ZNF496: variants seen among roughly 807,000 people sequenced by gnomAD.
ZNF496 encodes the protein zinc finger protein 496, also known as NSD1 (nuclear receptor binding SET-domain containing 1)-interacting zinc finger protein 1.
Under a neutral mutation model 58.9 loss-of-function variants are expected in ZNF496, and 11 were observed. The ratio of observed to expected loss-of-function variants is 0.19; its 90% CI spans 0.12 to 0.31. The LOEUF is 0.31. Ranked by LOEUF, ZNF496 falls within the 10% of genes least tolerant of loss-of-function variation. The pLI, the probability that ZNF496 is intolerant of heterozygous loss-of-function variation, is 1.00. For synonymous variants in ZNF496, 338 were observed against 318.2 expected, an observed-to-expected ratio of 1.06 and a Z score of -0.66; for missense variants, 660 against 783.0, an observed-to-expected ratio of 0.84 and a Z score of 1.88.
chr1:247,325,514 G>A (rs1297380012), intron 5 of ZNF496, among the ~76,000 whole-genome samples: 1 of 152,116 alleles, frequency 6.6e-6, no homozygotes, highest in Non-Finnish European at 1.5e-5. Context: ...TTTGTGACGA[G>A]AACATTTCTT....
chr1:247,301,160 G>C lies in ZNF496; in HGVS notation c.1123C>G (p.Leu375Val). The part of the protein sequence containing the change: ...SQHGPYCTEE[L>V]GSPTEKQRSL... ...CGCTGCTTCTCTGTGGGGCTCCCCA[G>C]CTCTTCTGTGCAGTACGGGCCATGC... Residue 375 changes from leucine (L) to valine (V), a missense_variant, in exon 10 of 10, where the codon CTG becomes GTG. Leu to Val is a conservative substitution (Grantham distance 32). Coordinates refer to ENST00000682384, the MANE Select transcript of ZNF496 (RefSeq NM_032752.3). The C allele has an allele frequency of 6.2e-7, 1 of 1,612,806 alleles. No individual in the cohort carries two copies.
chr1:247,309,997 G>A lies in ZNF496; in HGVS notation c.785-191C>T. The stretch of plus-strand genomic sequence containing the variant: ...CACACGCAGGGAGAGCTATGGGCTT[G>A]GGGGTCTCTCTGAGGCTTTCGGGTG... On this transcript the variant is annotated intron_variant, in intron 7 of 9. Coordinates refer to ENST00000682384, the MANE Select transcript of ZNF496 (RefSeq NM_032752.3). The surrounding 1 kb of genome is among the most constrained non-coding windows in gnomAD (Gnocchi z 4.3). 2 of 1,380,948 alleles carry A rather than the reference G, an allele frequency of 1.4e-6. No individual in the cohort carries two copies. Among genetic ancestry groups the A allele is most frequent in the Non-Finnish European group, 1.9e-6 (2 of 1,050,498 alleles). 85.5% of individuals were successfully genotyped at this position (1,380,948 alleles called of 1,614,324 possible).
rs1467852502 is a variant in ZNF496 at position 247,308,820 on chromosome 1, TC to T, written c.893-233del. ...TGACGCTAGACAGAATCGACGTAGA[TC>T]CGGGTTCTACTCCACCCACTCTATG... On this transcript the variant is annotated intron_variant, in intron 8 of 9. Transcript: ENST00000682384. This position sits in a 1 kb window ranked among gnomAD's most constrained non-coding sequence, Gnocchi z 4.5. 2 of 480,808 alleles carry T rather than the reference TC, an allele frequency of 4.2e-6. No homozygotes were observed. Among genetic ancestry groups the T allele is most frequent in the Admixed American group, 6.8e-5 (2 of 29,494 alleles). 29.8% of individuals were successfully genotyped at this position (480,808 alleles called of 1,614,324 possible).
chr1:247,315,224 C>A (rs762724518), intron 6 of ZNF496, among the ~76,000 whole-genome samples: 3 of 152,058 alleles, frequency 2.0e-5, no homozygotes, highest in African/African-American at 7.2e-5. Context: ...TCACAGCTGA[C>A]GTGACCCATG....
chr1:247,301,333 AT>A, intron 9 of ZNF496, 57 bp from the exon 10 acceptor site: 1 of 1,473,626 alleles, frequency 6.8e-7, no homozygotes, highest in Non-Finnish European at 9.0e-7. Flanking sequence ...CCCAGCCCCT[AT>A]GACCGCGGCG....
rs573900971 is a variant in ZNF496 at position 247,316,540 on chromosome 1, C to T, written c.652-6084G>A. Among the ~76,000 whole-genome samples, 9 of 152,254 alleles carry T rather than the reference C, an allele frequency of 5.9e-5. No individual in the cohort carries two copies. The East Asian group carries it at 1.7e-3, about 29-fold the overall frequency. On this transcript the variant is annotated intron_variant, in intron 6 of 9. Transcript: ENST00000682384. ...GCCCCTCGCCATGTGACGCCCTGCA[C>T]CCACCTCGGGACACCACAGAGCCCC...
chr1:247,319,452 T>C (rs965954031), intron 6 of ZNF496, among the ~76,000 whole-genome samples: 1 of 152,122 alleles, frequency 6.6e-6, no homozygotes, highest in East Asian at 1.9e-4. Flanking sequence ...TTCTACATGT[T>C]CAAGTAACAC....
At chr1:247,301,936 C>T (rs12405400) in intron 9 of ZNF496, among the ~76,000 whole-genome samples, 40,012 of 151,988 alleles carry the variant, frequency 0.26, 5,619 homozygotes, top group East Asian at 0.41. Context: ...CACAGCTCCC[C>T]GGCTCCCAGT....
At position 247,309,328 on chromosome 1, in the gene ZNF496, G is replaced by T; in HGVS notation, c.892+371C>A. 9.9e-7 allele frequency: 1 copy of T among 1,013,490 alleles called. No homozygotes were observed. Among genetic ancestry groups the T allele is most frequent in the Non-Finnish European group, 1.2e-6 (1 of 830,998 alleles). 62.8% of individuals were successfully genotyped at this position (1,013,490 alleles called of 1,614,324 possible). A position where few individuals can be genotyped will look rare whatever the true frequency, so the allele number is the denominator to read the frequency against. On this transcript the variant is annotated intron_variant, in intron 8 of 9. Transcript: ENST00000682384. The surrounding 1 kb of genome is among the most constrained non-coding windows in gnomAD (Gnocchi z 4.3). ...CAGGTGAGGCACCTCAAAGGGCTGC[G>T]CTCGGTGCCCAGTTAGGAGACACTC...
chr1:247,326,791 C>G (rs1196348113), intron 5 of ZNF496, among the ~76,000 whole-genome samples: 1 of 152,114 alleles, frequency 6.6e-6, no homozygotes, highest in African/African-American at 2.4e-5. Flanking sequence ...TCCAATAGGA[C>G]TGGTGTACTT....
At chr1:247,324,125 C>T (rs898117711) in intron 5 of ZNF496, among the ~76,000 whole-genome samples, 1 of 145,350 alleles carries the variant, frequency 6.9e-6, no homozygotes, top group Non-Finnish European at 1.5e-5. Context: ...ATCAGAATTA[C>T]TGTGGAACTC....
At chr1:247,313,210 C>T in intron 6 of ZNF496, 1 of 152,336 alleles carries the variant, frequency 6.6e-6, no homozygotes, top group Non-Finnish European at 1.5e-5. Context: ...ATGCCAGCAG[C>T]TTGGGGGCTA....
At chr1:247,325,399 G>A (rs957596149) in intron 5 of ZNF496, among the ~76,000 whole-genome samples, 1 of 152,120 alleles carries the variant, frequency 6.6e-6, no homozygotes, top group African/African-American at 2.4e-5. Flanking sequence ...AGCTATAATT[G>A]ACAAAAATTG....
chr1:247,302,959 TCTTA>T, intron 9 of ZNF496, among the ~76,000 whole-genome samples: 1 of 152,316 alleles, frequency 6.6e-6, no homozygotes, highest in East Asian at 1.9e-4. Context: ...CGCTAAGATC[TCTTA>T]CTTGTTAACT....
In ZNF496 at chr1:247,308,410, A is replaced by G; in HGVS notation, c.1006+65T>C. The G allele has an allele frequency of 7.0e-7, 1 of 1,434,732 alleles. No individual in the cohort carries two copies. Among genetic ancestry groups the G allele is most frequent in the Non-Finnish European group, 9.8e-7 (1 of 1,018,826 alleles). 88.9% of individuals were successfully genotyped at this position (1,434,732 alleles called of 1,614,324 possible). On this transcript the variant is annotated intron_variant, in intron 9 of 9. Transcript: ENST00000682384. This position sits in a 1 kb window ranked among gnomAD's most constrained non-coding sequence, Gnocchi z 4.5. Reference sequence around the variant, plus strand: ...CATCCCCTATGCCACACATGCATACATACATTCATGCGACACACCACAGAC... The same window carrying G: ...CATCCCCTATGCCACACATGCATACGTACATTCATGCGACACACCACAGAC...
At chr1:247,313,491 A>G (rs1558152990) in intron 6 of ZNF496, 1 of 152,244 alleles carries the variant, frequency 6.6e-6, no homozygotes. Flanking sequence ...AAGGATGTGG[A>G]GAAACAGGTC....
At chr1:247,324,079 G>GAAAAAAA (rs61548661) in intron 5 of ZNF496, among the ~76,000 whole-genome samples, 4 of 88,222 alleles carry the variant, frequency 4.5e-5, no homozygotes, top group Admixed American at 1.1e-4. Context: ...TGTCTCAAAT[G>GAAAAAAA]AAAAAAAAAA....
Position 247,300,879 on chromosome 1 carries a change from G to A in ZNF496, c.1404C>T (p.Cys468=), listed in dbSNP as rs1481678931. ...EAQKPYRCGA[C]GKSFRLNSHL... is the part of the protein sequence containing the mutation. ...GGGAGTTCAGGCGGAAGCTCTTCCC[G>A]CAGGCACCACACCGGTAAGGCTTCT... The change falls in exon 10 of 10, where the codon TGC becomes TGT. Residue 468 remains cysteine, a synonymous_variant. Coordinates refer to ENST00000682384, the MANE Select transcript of ZNF496 (RefSeq NM_032752.3). The surrounding 1 kb of genome is among the most constrained non-coding windows in gnomAD (Gnocchi z 5.7). 7.4e-6 allele frequency: 12 copies of A among 1,611,664 alleles called. No homozygotes were observed. Among genetic ancestry groups the A allele is most frequent in the South Asian group, 1.1e-5 (1 of 90,764 alleles).
chr1:247,310,539 C>A, intron 6 of ZNF496, 83 bp from the exon 7 acceptor site: 1 of 1,556,410 alleles, frequency 6.4e-7, no homozygotes, highest in African/African-American at 1.4e-5. Flanking sequence ...TGTGACAACA[C>A]AACGCTGTAG....
Sources: allele counts gnomAD v4.1 joint callset (sites outside exome capture counted in the v4.1 genomes callset), GRCh38; gene constraint gnomAD v4.1.1; non-coding constraint Gnocchi (gnomAD v3.1); transcripts MANE v1.5; gene names NCBI Gene and HGNC (gene_info 2026-07-23, HGNC 2026-07-21).